The following DLC1 variants were observed in gnomAD, a reference collection of about 807,000 sequenced individuals.
DLC1 encodes rho GTPase-activating protein 7.
DLC1 carries 54 observed loss-of-function variants against 140.3 expected under a neutral mutation model. The ratio of observed to expected loss-of-function variants is 0.38; its 90% CI spans 0.31 to 0.48. The LOEUF is 0.48. DLC1 is among the 20% of genes least tolerant of loss of function. The pLI is 0.96. For missense variants in DLC1, 2,536 were observed against 1,907.0 expected (o/e 1.33, Z -6.14); for synonymous variants, 986 against 728.1 (o/e 1.35, Z -5.70).
intron 4 of DLC1, among the ~76,000 whole-genome samples, chr8:13,308,812 G>A (rs1188134): frequency 0.99 from 150,577 of 152,252 alleles, 74,477 homozygotes; most frequent in Middle Eastern, 1. Flanking sequence ...TTTCTTGGGC[G>A]TGAAACCCTT....
At chr8:13,241,100 A>G (rs1442724521) in intron 5 of DLC1, among the ~76,000 whole-genome samples, 1 of 152,222 alleles carries the variant, frequency 6.6e-6, no homozygotes, top group Non-Finnish European at 1.5e-5. Flanking sequence ...CACTTAAATT[A>G]CATTCTTGCA....
chr8:13,319,481 G>GT lies in DLC1; in HGVS notation c.1315-14180_1315-14179insA, dbSNP rs1563250263. 5.7e-4 allele frequency among the ~76,000 whole-genome samples: 70 copies of GT among 121,768 alleles called. 2 individuals are homozygous for GT. The East Asian group carries it at 0.017, about 30-fold the overall frequency. 79.9% of individuals were successfully genotyped at this position (121,768 alleles called of 152,430 possible). On this transcript the variant is annotated intron_variant, in intron 4 of 17. Transcript: ENST00000276297. ...AGGGGCCTGCTGGCGGGGCGGGGGG[G>GT]GGGGGTGGATTTCCCCCTTGCTGTT...
At chr8:13,371,441 G>C (rs1174401365) in intron 4 of DLC1, among the ~76,000 whole-genome samples, 1 of 152,116 alleles carries the variant, frequency 6.6e-6, no homozygotes, top group Non-Finnish European at 1.5e-5. Context: ...CAGTGTAGGA[G>C]ATGCTTTTGA....
Position 13,123,630 on chromosome 8 carries a change from C to A in DLC1, c.1349-7973G>T, listed in dbSNP as rs35971050. On this transcript the variant is annotated intron_variant, in intron 5 of 17. Transcript: ENST00000276297. The stretch of plus-strand genomic sequence containing the variant: ...CCCTCCCAAAGTGTGGGATGACTGG[C>A]GTGGGCCGTGGCACCTGGGCCCTCT... Among the ~76,000 whole-genome samples, 6 of 151,918 alleles carry A rather than the reference C, an allele frequency of 3.9e-5. No homozygotes were observed. In the East Asian group the frequency reaches 1.2e-3, roughly 30 times the overall value.
intron 1 of DLC1, among the ~76,000 whole-genome samples, chr8:13,571,892 T>C (rs761952051): frequency 6.6e-6 from 1 of 152,200 alleles, no homozygotes; most frequent in Non-Finnish European, 1.5e-5. Flanking sequence ...TCAAAAGTTA[T>C]AGCCATTTTG....
chr8:13,598,959 C>G (rs951043468), intron 1 of DLC1, among the ~76,000 whole-genome samples: 2 of 151,582 alleles, frequency 1.3e-5, no homozygotes, highest in East Asian at 3.9e-4. Flanking sequence ...TTTAAAATAA[C>G]CTATAGTTAT....
chr8:13,480,795 T>G (rs915005758), intron 2 of DLC1, among the ~76,000 whole-genome samples: 14 of 152,112 alleles, frequency 9.2e-5, no homozygotes, highest in African/African-American at 3.4e-4. Flanking sequence ...TCCTAGCTAC[T>G]AGGGAGGCTG....
intron 15 of DLC1, 165 bp from the exon 16 acceptor site, chr8:13,088,869 G>T (rs1563562837): frequency 1.7e-6 from 1 of 576,156 alleles, no homozygotes; most frequent in East Asian, 3.0e-5. Flanking sequence ...AATATTGGGG[G>T]CTAATAAATC....
Position 13,379,647 on chromosome 8 carries a change from T to C in DLC1, c.1314+13906A>G, listed in dbSNP as rs547704864. ...TTGCTGAAATCCATCCTTATTTTATTTTATTTTACTTCAAGTTCTGGGGTA... is the reference window on the plus strand; with the variant it reads ...TTGCTGAAATCCATCCTTATTTTATCTTATTTTACTTCAAGTTCTGGGGTA... On this transcript the variant is annotated intron_variant, in intron 4 of 17. Coordinates refer to ENST00000276297, the MANE Select transcript of DLC1 (RefSeq NM_182643.3). Among the ~76,000 whole-genome samples, 3 of 152,276 alleles carry C rather than the reference T, an allele frequency of 2.0e-5. No homozygotes were observed. In the South Asian group the frequency reaches 6.2e-4, roughly 32 times the overall value.
intron 5 of DLC1, among the ~76,000 whole-genome samples, chr8:13,299,947 A>C (rs1355520800): frequency 1.3e-5 from 2 of 152,190 alleles, no homozygotes; most frequent in African/African-American, 4.8e-5. Flanking sequence ...TATTCAAAGG[A>C]GTATAAATCA....
chr8:13,170,435 A>C (rs1443353919), intron 5 of DLC1, among the ~76,000 whole-genome samples: 2 of 152,218 alleles, frequency 1.3e-5, no homozygotes, highest in African/African-American at 2.4e-5. Flanking sequence ...AAGCACTTTG[A>C]AAATGTGTTT....
chr8:13,366,356 T>C (rs1199236069), intron 4 of DLC1, among the ~76,000 whole-genome samples: 1 of 152,156 alleles, frequency 6.6e-6, no homozygotes, highest in Non-Finnish European at 1.5e-5. Flanking sequence ...GATGATATCG[T>C]AGTGATTAAG....
At chr8:13,334,517 G>A (rs1386408391) in intron 4 of DLC1, among the ~76,000 whole-genome samples, 1 of 152,172 alleles carries the variant, frequency 6.6e-6, no homozygotes, top group South Asian at 2.1e-4. Context: ...GAAGGCAGGA[G>A]ACCAGCTAGG....
chr8:13,396,722 A>T (rs1247066181), intron 3 of DLC1, among the ~76,000 whole-genome samples: 2 of 152,174 alleles, frequency 1.3e-5, no homozygotes, highest in African/African-American at 4.8e-5. Context: ...ACAACTAAAT[A>T]AGTAATTTTA....
chr8:13,591,083 A>G (rs1805499848), intron 1 of DLC1, among the ~76,000 whole-genome samples: 1 of 152,160 alleles, frequency 6.6e-6, no homozygotes, highest in South Asian at 2.1e-4. Flanking sequence ...GAAACAGGTC[A>G]CAGAGTGTGG....
chr8:13,137,739 A>G (rs1822680257), intron 5 of DLC1, among the ~76,000 whole-genome samples: 1 of 151,558 alleles, frequency 6.6e-6, no homozygotes, highest in Middle Eastern at 3.2e-3. Context: ...CTGGGACTAC[A>G]GGCACCTGCC....
chr8:13,432,947 T>A (rs1040685289), intron 2 of DLC1, among the ~76,000 whole-genome samples: 1 of 148,930 alleles, frequency 6.7e-6, no homozygotes, highest in African/African-American at 2.5e-5. Context: ...TCTTCCTTTT[T>A]TTTTTTTTTT....
At chr8:13,133,177 A>C in intron 5 of DLC1, 1 of 1,434,842 alleles carries the variant, frequency 7.0e-7, no homozygotes. Flanking sequence ...GAAACGAGGG[A>C]GCGCTCAGGG....
intron 2 of DLC1, among the ~76,000 whole-genome samples, chr8:13,437,198 A>G (rs1235741832): frequency 6.6e-6 from 1 of 152,192 alleles, no homozygotes; most frequent in Non-Finnish European, 1.5e-5. Flanking sequence ...TCTAGAAAAC[A>G]GGCTCAGTTT....
Sources: gnomAD v4.1 joint callset for allele counts (sites outside exome capture counted in the v4.1 genomes callset) on GRCh38, gnomAD v4.1.1 for gene constraint, MANE v1.5 for transcripts, NCBI Gene and HGNC (gene_info 2026-07-23, HGNC 2026-07-21) for gene names.